The following STAU2 variants were observed in gnomAD, a reference collection of about 807,000 sequenced individuals.
STAU2 encodes the protein double-stranded RNA-binding protein Staufen homolog 2.
A neutral mutation model predicts 65.9 loss-of-function variants in STAU2; 20 were observed. That is an observed-to-expected ratio of 0.30 (90% CI 0.21 to 0.44). STAU2 has a LOEUF of 0.44. STAU2 is among the 20% of genes least tolerant of loss of function. The pLI is 1.00. For missense variants in STAU2, 558 were observed against 683.9 expected, an observed-to-expected ratio of 0.82 and a Z score of 2.05; for synonymous variants, 232 against 233.9, an observed-to-expected ratio of 0.99 and a Z score of 0.07.
chr8:73,603,915 T>C (rs751777469), intron 9 of STAU2, 52 bp from the exon 10 acceptor site: 34 of 1,543,662 alleles, frequency 2.2e-5, no homozygotes, highest in Non-Finnish European at 2.6e-5. Flanking sequence ...AAACCTGTTA[T>C]TGAATCCTTA....
chr8:73,722,727 T>C lies in STAU2; in HGVS notation c.-17-13565A>G, dbSNP rs1272206120. Among the ~76,000 whole-genome samples, 8 of 152,212 alleles carry C rather than the reference T, an allele frequency of 5.3e-5. No individual in the cohort carries two copies. The South Asian group carries it at 6.2e-4, about 12-fold the overall frequency. ...TTTGCTTTCAACAATTTGATTATAA[T>C]GTACAGTAAGTCCTCACTTAACATC... is the stretch of plus-strand genomic sequence containing the variant. On this transcript the variant is annotated intron_variant, in intron 3 of 14. Coordinates refer to ENST00000524300, the MANE Select transcript of STAU2 (RefSeq NM_001164380.2).
intron 13 of STAU2, among the ~76,000 whole-genome samples, chr8:73,545,241 G>A (rs778991958): frequency 6.6e-6 from 1 of 152,152 alleles, no homozygotes; most frequent in Non-Finnish European, 1.5e-5. Flanking sequence ...TGGTTCAAAT[G>A]TTCCATTTTA....
At chr8:73,482,410 T>A (rs1424346968) in intron 13 of STAU2, among the ~76,000 whole-genome samples, 2 of 152,172 alleles carry the variant, frequency 1.3e-5, no homozygotes, top group Admixed American at 6.5e-5. Flanking sequence ...ACAAATTGGT[T>A]TATTTTCAGG....
At chr8:73,655,744 G>T (rs10957685) in intron 6 of STAU2, among the ~76,000 whole-genome samples, 30,001 of 148,898 alleles carry the variant, frequency 0.2, 3,340 homozygotes, top group East Asian at 0.36. Context: ...CACCTCCTGG[G>T]TTCACGCCAT....
At chr8:73,609,335 C>T (rs1812266403) in intron 9 of STAU2, among the ~76,000 whole-genome samples, 1 of 151,766 alleles carries the variant, frequency 6.6e-6, no homozygotes, top group Non-Finnish European at 1.5e-5. Flanking sequence ...CTGGTTTCAA[C>T]TTCCACTTAT....
At chr8:73,518,818 A>G (rs1395656285) in intron 13 of STAU2, among the ~76,000 whole-genome samples, 1 of 152,202 alleles carries the variant, frequency 6.6e-6, no homozygotes, top group Admixed American at 6.5e-5. Context: ...TTCCTTAACT[A>G]TAAGATATAA....
chr8:73,638,048 T>C (rs1260894940), intron 6 of STAU2, among the ~76,000 whole-genome samples: 1 of 152,130 alleles, frequency 6.6e-6, no homozygotes, highest in East Asian at 1.9e-4. Context: ...TATTACAGAA[T>C]GATACTTTCT....
At chr8:73,490,431 G>A (rs13280910) in intron 13 of STAU2, among the ~76,000 whole-genome samples, 121,814 of 151,970 alleles carry the variant, frequency 0.8, 49,685 homozygotes, top group East Asian at 0.94. Flanking sequence ...ATGAAGGTGA[G>A]ATGCATCTCA....
chr8:73,665,243 C>T (rs1393315484), intron 6 of STAU2, among the ~76,000 whole-genome samples: 1 of 152,078 alleles, frequency 6.6e-6, no homozygotes, highest in Non-Finnish European at 1.5e-5. Flanking sequence ...AGTTACCTTG[C>T]TGCCTATCTT....
rs536887987 is a variant in STAU2, at chr8:73,655,798, G to A, written c.410+17309C>T. On this transcript the variant is annotated intron_variant, in intron 6 of 14. Coordinates refer to ENST00000524300, the MANE Select transcript of STAU2 (RefSeq NM_001164380.2). Reference sequence around the variant, plus strand: ...CGAGTAGCTGGGACTACAGGTGCCTGCCACCACACCCGGCTAATTTTTTGT... The same window carrying A: ...CGAGTAGCTGGGACTACAGGTGCCTACCACCACACCCGGCTAATTTTTTGT... Among the ~76,000 whole-genome samples, 362 of 151,806 alleles carry A rather than the reference G, an allele frequency of 2.4e-3. 1 individual carries two copies. Among genetic ancestry groups the A allele is most frequent in the African/African-American group, 8.2e-3 (339 of 41,376 alleles).
chr8:73,707,853 G>C (rs1025730925), intron 4 of STAU2, among the ~76,000 whole-genome samples: 1 of 151,630 alleles, frequency 6.6e-6, no homozygotes, highest in Non-Finnish European at 1.5e-5. Flanking sequence ...AGAGGAATCA[G>C]AGGTTTCACA....
At chr8:73,467,363 T>C (rs1358189236) in intron 13 of STAU2, among the ~76,000 whole-genome samples, 1 of 152,098 alleles carries the variant, frequency 6.6e-6, no homozygotes, top group Admixed American at 6.5e-5. Flanking sequence ...AAACCCCGTC[T>C]CTACTAAAAA....
Position 73,709,120 on chromosome 8 carries a change from G to A in STAU2, c.26C>T (p.Ala9Val), listed in dbSNP as rs1275901772. MANPKEKT[A>V]MCLVNELARF... ...GGCTAACTCATTTACCAGACACATTGCAGTTTTCTCTTTTGGGTTTGCCAT... is the reference window on the plus strand; with the variant it reads ...GGCTAACTCATTTACCAGACACATTACAGTTTTCTCTTTTGGGTTTGCCAT... Residue 9 changes from alanine to valine, a missense_variant, in exon 4 of 15, where the codon GCA (alanine) becomes GTA (valine). By Grantham distance (64) the Ala-to-Val change is moderately conservative. This residue lies in a region of STAU2 where 112 missense variants were observed against 114.2 expected (regional missense o/e 0.98). Coordinates refer to ENST00000524300, the MANE Select transcript of STAU2 (RefSeq NM_001164380.2). The A allele has an allele frequency of 6.5e-7, 1 of 1,531,978 alleles. No homozygotes were observed. Among genetic ancestry groups the A allele is most frequent in the African/African-American group, 1.4e-5 (1 of 72,968 alleles). The allele number at this position is 1,531,978 out of a possible 1,614,324, so 94.9% of individuals were successfully genotyped here.
intron 13 of STAU2, among the ~76,000 whole-genome samples, chr8:73,441,781 G>GT (rs1563593973): frequency 6.6e-6 from 1 of 152,220 alleles, no homozygotes; most frequent in Non-Finnish European, 1.5e-5. Context: ...TCCGTCTGGA[G>GT]TAAGTAGCTG....
chr8:73,615,551 T>G (rs1812771518), intron 8 of STAU2, 124 bp downstream of exon 8: 2 of 648,886 alleles, frequency 3.1e-6, no homozygotes, highest in Non-Finnish European at 2.7e-6. Flanking sequence ...TTCATAATAC[T>G]GGGTTTGAAC....
intron 6 of STAU2, among the ~76,000 whole-genome samples, chr8:73,662,599 T>TTGTTGTTGTTG (rs1816911898): frequency 1.3e-5 from 2 of 150,584 alleles, no homozygotes; most frequent in African/African-American, 2.5e-5. Flanking sequence ...TTCAGGGGTT[T>TTGTTGTTGTTG]TTGTTGTTGT....
intron 12 of STAU2, among the ~76,000 whole-genome samples, chr8:73,581,206 C>A (rs950759650): frequency 2.6e-5 from 4 of 151,960 alleles, no homozygotes; most frequent in Non-Finnish European, 5.9e-5. Context: ...ATGGAGCCTG[C>A]AGGTTATCTA....
rs1305427481 is a variant in STAU2, at chr8:73,737,599, T to C, written c.-18+685A>G. ...TTTTTTGTTTTTAAGAGACAGGGTC[T>C]TACTACGTTACCCAGTCTGGCTCAA... On this transcript the variant is annotated intron_variant, in intron 3 of 14. Coordinates refer to ENST00000524300, the MANE Select transcript of STAU2 (RefSeq NM_001164380.2). Among the ~76,000 whole-genome samples the C allele has an allele frequency of 3.3e-5, 5 of 151,344 alleles. No individual in the cohort carries two copies. In the East Asian group the frequency reaches 5.8e-4, roughly 18 times the overall value.
chr8:73,523,101 C>CAGG (rs1823129814), intron 13 of STAU2, among the ~76,000 whole-genome samples: 1 of 145,442 alleles, frequency 6.9e-6, no homozygotes, highest in Admixed American at 7.3e-5. Flanking sequence ...GAGGCTGAGG[C>CAGG]AGGAGAATCA....
Sources: allele counts gnomAD v4.1 joint callset (sites outside exome capture counted in the v4.1 genomes callset), GRCh38; gene constraint gnomAD v4.1.1; regional missense constraint gnomAD v4.1.1; transcripts MANE v1.5; gene names NCBI Gene and HGNC (gene_info 2026-07-23, HGNC 2026-07-21).